FAM3B: variants seen among roughly 807,000 people sequenced by gnomAD.
FAM3B encodes protein FAM3B.
Under a neutral mutation model 28.4 loss-of-function variants are expected in FAM3B, and 29 were observed. The ratio of observed to expected loss-of-function variants is 1.02; its 90% CI spans 0.76 to 1.39. The LOEUF (loss-of-function observed/expected upper bound fraction) is 1.39, where lower values mean the gene tolerates loss of function less well. FAM3B is among the 40% of genes most tolerant of loss of function. The pLI is 0.00. For missense variants in FAM3B, 266 were observed against 293.9 expected, an observed-to-expected ratio of 0.91 and a Z score of 0.69; for synonymous variants, 91 against 103.0, an observed-to-expected ratio of 0.88 and a Z score of 0.71.
At chr21:41,342,544 A>G (rs182182413) in intron 3 of FAM3B, among the ~76,000 whole-genome samples, 12 of 152,122 alleles carry the variant, frequency 7.9e-5, no homozygotes, top group Non-Finnish European at 1.5e-4. Context: ...TCTGCTCTTT[A>G]TCATGGACAG....
intron 2 of FAM3B, among the ~76,000 whole-genome samples, chr21:41,335,299 G>A (rs1191272633): frequency 1.3e-5 from 2 of 152,186 alleles, no homozygotes; most frequent in Non-Finnish European, 2.9e-5. Flanking sequence ...GGGGCAAAAT[G>A]ATGTGATTTG....
intron 3 of FAM3B, among the ~76,000 whole-genome samples, chr21:41,343,121 G>A (rs2089022969): frequency 6.6e-6 from 1 of 152,122 alleles, no homozygotes; most frequent in African/African-American, 2.4e-5. Context: ...GTGACCCCAG[G>A]CCAAATAAGA....
intron 2 of FAM3B, among the ~76,000 whole-genome samples, chr21:41,336,679 A>AC (rs2145816040): frequency 6.6e-6 from 1 of 152,332 alleles, no homozygotes; most frequent in African/African-American, 2.4e-5. Flanking sequence ...TGGGGTATTG[A>AC]CATTCACTAC....
At chr21:41,310,170 C>T (rs532385435) in intron 1 of FAM3B, among the ~76,000 whole-genome samples, 31 of 152,220 alleles carry the variant, frequency 2.0e-4, no homozygotes, top group Admixed American at 1.8e-3. Flanking sequence ...GAGAAGCCTG[C>T]GGTCTCTCCA....
At position 41,357,358 on chromosome 21, in the gene FAM3B, G is replaced by T; in HGVS notation, c.*161G>T. The T allele has an allele frequency of 4.5e-6, 2 of 448,586 alleles. No individual in the cohort carries two copies. The highest frequency in any genetic ancestry group is 3.6e-5 in the South Asian group (1 of 28,078). The allele number at this position is 448,586 out of a possible 1,614,324, so 27.8% of individuals were successfully genotyped here. ...TAGTTGTATCAAATCTTGGTACGCA[G>T]TATTTTTATACCAGTATTTTATGTA... On this transcript the variant is annotated 3_prime_UTR_variant, in exon 8 of 8. Coordinates refer to ENST00000357985, the MANE Select transcript of FAM3B (RefSeq NM_058186.4).
chr21:41,322,364 A>G (rs1044748159), intron 1 of FAM3B, among the ~76,000 whole-genome samples: 1 of 152,194 alleles, frequency 6.6e-6, no homozygotes, highest in African/African-American at 2.4e-5. Flanking sequence ...CCGGGATGAT[A>G]GAACAGGTTT....
chr21:41,357,061 G>GTTTA, intron 7 of FAM3B, 47 bp from the exon 8 acceptor site: 1 of 1,418,264 alleles, frequency 7.1e-7, no homozygotes. Flanking sequence ...TTAAATACTT[G>GTTTA]TTTATTAGAT....
At chr21:41,335,403 T>G (rs2088946789) in intron 2 of FAM3B, among the ~76,000 whole-genome samples, 1 of 152,214 alleles carries the variant, frequency 6.6e-6, no homozygotes, top group African/African-American at 2.4e-5. Flanking sequence ...GGGAGTGGAT[T>G]CCTCACGAGT....
intron 2 of FAM3B, among the ~76,000 whole-genome samples, chr21:41,329,757 A>G (rs1044440641): frequency 6.6e-6 from 1 of 151,988 alleles, no homozygotes; most frequent in Non-Finnish European, 1.5e-5. Flanking sequence ...TTTAGCAGAG[A>G]CGGTGTTTTG....
chr21:41,314,060 T>C (rs2088730775), upstream of FAM3B, among the ~76,000 whole-genome samples: 1 of 152,064 alleles, frequency 6.6e-6, no homozygotes, highest in South Asian at 2.1e-4. Flanking sequence ...TTAGATGGCT[T>C]TGGGGTGGTT....
intron 1 of FAM3B, among the ~76,000 whole-genome samples, chr21:41,311,276 ATATATATATATATATATATATG>A (rs2088712332): frequency 1.2e-5 from 1 of 85,278 alleles, no homozygotes; most frequent in Non-Finnish European, 2.2e-5. Flanking sequence ...ATATATATAT[ATATATATATATATATATATATG>A]TATATATACA....
chr21:41,344,428 A>G (rs1454525230), intron 3 of FAM3B, 48 bp from the exon 4 acceptor site: 1 of 1,550,830 alleles, frequency 6.4e-7, no homozygotes, highest in South Asian at 1.1e-5. Flanking sequence ...CGGAGCGGGG[A>G]GAGTCGCACG....
In FAM3B at chr21:41,326,976, T is replaced by C. The variant is rs2088860014; in HGVS notation, c.163+3910T>C. Among the ~76,000 whole-genome samples, 1 of 152,120 alleles carries C rather than the reference T, an allele frequency of 6.6e-6. No homozygotes were observed. Among genetic ancestry groups the C allele is most frequent in the Non-Finnish European group, 1.5e-5 (1 of 68,014 alleles). ...GGCCAGGCCTGGTGCCCTTTGATCA[T>C]TGCAAAGGCTCCCAGTGCCTGTTGG... On this transcript the variant is annotated intron_variant, in intron 2 of 7. Coordinates refer to ENST00000357985, the MANE Select transcript of FAM3B (RefSeq NM_058186.4). The surrounding 1 kb of genome is among the most constrained non-coding windows in gnomAD (Gnocchi z 4.0).
At chr21:41,323,534 T>C (rs1392032382) in intron 2 of FAM3B, among the ~76,000 whole-genome samples, 2 of 152,206 alleles carry the variant, frequency 1.3e-5, no homozygotes, top group African/African-American at 4.8e-5. Context: ...ACCATCAGCT[T>C]AGGAAAGGCC....
chr21:41,315,385 T>C (rs1327910165), upstream of FAM3B, among the ~76,000 whole-genome samples: 1 of 152,204 alleles, frequency 6.6e-6, no homozygotes, highest in East Asian at 1.9e-4. Flanking sequence ...TATTGGACTT[T>C]ACACTTCAAG....
chr21:41,335,971 T>C (rs192423768), intron 2 of FAM3B, among the ~76,000 whole-genome samples: 51 of 152,308 alleles, frequency 3.3e-4, no homozygotes, highest in African/African-American at 1.2e-3. Flanking sequence ...CACCAGTATT[T>C]ATATGTTGAA....
At chr21:41,311,617 C>T (rs1249698739) in intron 1 of FAM3B, among the ~76,000 whole-genome samples, 1 of 151,914 alleles carries the variant, frequency 6.6e-6, no homozygotes, top group Non-Finnish European at 1.5e-5. Context: ...ATGACATTGT[C>T]TTACATTTTT....
intron 1 of FAM3B, among the ~76,000 whole-genome samples, chr21:41,321,773 G>C (rs891590900): frequency 7.2e-5 from 11 of 152,172 alleles, no homozygotes; most frequent in Admixed American, 2.6e-4. Flanking sequence ...TGCATGGGTC[G>C]GGGACAGCTG....
chr21:41,353,799 G>A (rs1474043194), intron 7 of FAM3B, among the ~76,000 whole-genome samples: 1 of 152,114 alleles, frequency 6.6e-6, no homozygotes, highest in South Asian at 2.1e-4. Context: ...AAAGTAAGTT[G>A]CCCTTCAGCA....
Sources: gnomAD v4.1 joint callset for allele counts (sites outside exome capture counted in the v4.1 genomes callset) on GRCh38, gnomAD v4.1.1 for gene constraint, Gnocchi (gnomAD v3.1) non-coding constraint, MANE v1.5 for transcripts, NCBI Gene and HGNC (gene_info 2026-07-23, HGNC 2026-07-21) for gene names.